Variants in ZMYND11 observed in about 807,000 individuals in gnomAD.
ZMYND11 encodes zinc finger MYND domain-containing protein 11.
A neutral mutation model predicts 84.9 loss-of-function variants in ZMYND11; 9 were observed. The ratio of observed to expected loss-of-function variants is 0.11; its 90% CI spans 0.06 to 0.18. The LOEUF (loss-of-function observed/expected upper bound fraction) is 0.18. Ranked by LOEUF, ZMYND11 falls within the 10% of genes least tolerant of loss-of-function variation. The pLI is 1.00. For synonymous variants in ZMYND11, 250 were observed against 244.1 expected, an observed-to-expected ratio of 1.02 and a Z score of -0.23; for missense variants, 409 against 761.0, an observed-to-expected ratio of 0.54 and a Z score of 5.44.
intron 1 of ZMYND11, among the ~76,000 whole-genome samples, chr10:152,088 C>G (rs186066169): frequency 2.8e-3 from 432 of 152,332 alleles, no homozygotes; most frequent in Non-Finnish European, 5.2e-3. Flanking sequence ...AAAGGAACAA[C>G]TGGTACCAGT....
chr10:180,151 A>G (rs773577837), intron 2 of ZMYND11, 23 bp downstream of exon 2: 2 of 1,583,790 alleles, frequency 1.3e-6, no homozygotes, highest in Middle Eastern at 1.7e-4. Flanking sequence ...AAACACAAAT[A>G]TCTCTGTAAA....
Position 254,626 on chromosome 10 carries a change from TA to T in ZMYND11, c.*2164del, listed in dbSNP as rs947065628. On this transcript the variant is annotated 3_prime_UTR_variant, in exon 15 of 15. Transcript: ENST00000381604. ...GTTAACATTGGTTAATAAATGTATT[TA>T]AAAAAAACTAGCTTTAGTAATTTGT... 2 of 152,640 alleles carry T rather than the reference TA, an allele frequency of 1.3e-5. No individual in the cohort carries two copies. Among genetic ancestry groups the T allele is most frequent in the African/African-American group, 2.4e-5 (1 of 41,518 alleles). 9.5% of individuals were successfully genotyped at this position (152,640 alleles called of 1,614,324 possible). A position where few individuals can be genotyped will look rare whatever the true frequency, so the allele number is the denominator to read the frequency against.
rs1197312879 is a variant in ZMYND11, at chr10:209,994, A to G, written c.222A>G (p.Lys74=). The change falls in exon 3 of 15, where the codon AAA becomes AAG. Residue 74 remains lysine, a synonymous_variant. Transcript: ENST00000381604. The stretch of plus-strand genomic sequence containing the variant: ...TCGAAACTCTAACAGTGGGCTGCAA[A>G]GGTTCAAAAGCTGGTATTGAACAAG... The part of the protein sequence containing the change: ...LIVETLTVGC[K]GSKAGIEQEG... The G allele has an allele frequency of 5.0e-6, 8 of 1,614,020 alleles. No homozygotes were observed. The East Asian group carries it at 1.6e-4, about 31-fold the overall frequency.
chr10:162,821 C>G (rs1290381756), intron 1 of ZMYND11, among the ~76,000 whole-genome samples: 1 of 152,084 alleles, frequency 6.6e-6, no homozygotes, highest in African/African-American at 2.4e-5. Flanking sequence ...TGTGTTGAGT[C>G]CAAGGCAGTT....
intron 4 of ZMYND11, among the ~76,000 whole-genome samples, chr10:230,012 C>A (rs1473729179): frequency 6.6e-6 from 1 of 152,138 alleles, no homozygotes; most frequent in Admixed American, 6.5e-5. Context: ...AGAATTTTAT[C>A]TAAGAGAATT....
intron 2 of ZMYND11, among the ~76,000 whole-genome samples, chr10:184,406 T>A (rs1848507634): frequency 1.3e-5 from 2 of 152,198 alleles, no homozygotes; most frequent in South Asian, 4.1e-4. Flanking sequence ...ATCTTTTTTC[T>A]TTTTGATTTT....
rs11348115 is a variant in ZMYND11, at chr10:144,640, CTTT to C, written c.-20+9102_-20+9104del. 3.0e-3 allele frequency among the ~76,000 whole-genome samples: 326 copies of C among 110,034 alleles called. 7 individuals are homozygous for C. In the South Asian group the frequency reaches 0.051, roughly 17 times the overall value. 72.2% of individuals were successfully genotyped at this position (110,034 alleles called of 152,430 possible). On this transcript the variant is annotated intron_variant, in intron 1 of 14. Transcript: ENST00000381604. ...TATGGCTGGCTGAGCGTCTGAATTC[CTTT>C]TTTTTTTTTTTTTTTTTTTTAACAA...
At chr10:133,859 A>T (rs1173197427), upstream of ZMYND11, among the ~76,000 whole-genome samples, 1 of 152,178 alleles carries the variant, frequency 6.6e-6, no homozygotes, top group Non-Finnish European at 1.5e-5. Flanking sequence ...ACTCTCTGGG[A>T]TGTATCAGAT....
chr10:210,255 C>G (rs1308400251), intron 3 of ZMYND11, among the ~76,000 whole-genome samples: 1 of 152,200 alleles, frequency 6.6e-6, no homozygotes, highest in Non-Finnish European at 1.5e-5. Flanking sequence ...TCCTGCTTCT[C>G]TATATATTAC....
Position 250,753 on chromosome 10 carries a change from C to G in ZMYND11, c.1687-1595C>G, listed in dbSNP as rs190009936. On this transcript the variant is annotated intron_variant, in intron 14 of 14. Coordinates refer to ENST00000381604, the MANE Select transcript of ZMYND11 (RefSeq NM_001370100.5). ...AGTAAAAGGGTTAGAATTCTTTCTTCTCGGCCAGGCTCGGTGCTCACACCT... is the reference window on the plus strand; with the variant it reads ...AGTAAAAGGGTTAGAATTCTTTCTTGTCGGCCAGGCTCGGTGCTCACACCT... Among the ~76,000 whole-genome samples, 4 of 152,256 alleles carry G rather than the reference C, an allele frequency of 2.6e-5. No individual in the cohort carries two copies. The East Asian group carries it at 7.7e-4, about 29-fold the overall frequency.
intron 1 of ZMYND11, among the ~76,000 whole-genome samples, chr10:156,392 A>G (rs1178116527): frequency 6.6e-6 from 1 of 152,210 alleles, no homozygotes; most frequent in Non-Finnish European, 1.5e-5. Flanking sequence ...TCTTAAGAAA[A>G]TTTTTAATGC....
rs769251152 is a variant in ZMYND11, at chr10:241,061, T to G, written c.831+91T>G. ...TAAAGATTATAATTTTCTTCCTAAATTTTTAAAATATCATAGTATATATGG... is the reference window on the plus strand; with the variant it reads ...TAAAGATTATAATTTTCTTCCTAAAGTTTTAAAATATCATAGTATATATGG... On this transcript the variant is annotated intron_variant, in intron 9 of 14. Coordinates refer to ENST00000381604, the MANE Select transcript of ZMYND11 (RefSeq NM_001370100.5). The G allele has an allele frequency of 3.9e-6, 4 of 1,023,454 alleles. No homozygotes were observed. The South Asian group carries it at 6.1e-5, about 16-fold the overall frequency. The allele number at this position is 1,023,454 out of a possible 1,614,324, so 63.4% of individuals were successfully genotyped here. A position where few individuals can be genotyped will look rare whatever the true frequency, so the allele number is the denominator to read the frequency against.
At chr10:180,184 A>G in intron 2 of ZMYND11, 56 bp downstream of exon 2, 1 of 1,388,588 alleles carries the variant, frequency 7.2e-7, no homozygotes, top group Non-Finnish European at 1.0e-6. Context: ...ACTTTGGGGG[A>G]AAGGCCAAAA....
chr10:185,369 G>T lies in ZMYND11; in HGVS notation c.116+5241G>T, dbSNP rs112194735. Among the ~76,000 whole-genome samples the T allele has an allele frequency of 1.3e-3, 191 of 151,612 alleles. 1 individual carries two copies. The highest frequency in any genetic ancestry group is 4.5e-3 in the African/African-American group (186 of 41,280). The stretch of plus-strand genomic sequence containing the variant: ...CTAATTTTGTTGTACTGTGTATGTT[G>T]TCCAAAGGCATTTTGCTTTATTTGG... On this transcript the variant is annotated intron_variant, in intron 2 of 14. Coordinates refer to ENST00000381604, the MANE Select transcript of ZMYND11 (RefSeq NM_001370100.5).
chr10:135,470 C>T lies in ZMYND11; in HGVS notation c.-109C>T, dbSNP rs1162129017. 4 of 154,102 alleles carry T rather than the reference C, an allele frequency of 2.6e-5. No individual in the cohort carries two copies. Among genetic ancestry groups the T allele is most frequent in the African/African-American group, 9.7e-5 (4 of 41,296 alleles). The allele number at this position is 154,102 out of a possible 1,614,324, so 9.5% of individuals were successfully genotyped here. ...CCCCGCGCCCGTCGCCGGCTCAGGC[C>T]CGAGAGGCGCCGGGCGGCGGGAAGG... On this transcript the variant is annotated 5_prime_UTR_variant, in exon 1 of 15. Coordinates refer to ENST00000381604, the MANE Select transcript of ZMYND11 (RefSeq NM_001370100.5). The surrounding 1 kb of genome is among the most constrained non-coding windows in gnomAD (Gnocchi z 5.6).
At chr10:200,526 C>A (rs1004765385) in intron 2 of ZMYND11, among the ~76,000 whole-genome samples, 2 of 151,444 alleles carry the variant, frequency 1.3e-5, no homozygotes, top group Non-Finnish European at 1.5e-5. Context: ...GTGATCTCAC[C>A]TTGGCCTCCC....
At chr10:156,498 TAACTC>T (rs1366010858) in intron 1 of ZMYND11, among the ~76,000 whole-genome samples, 4 of 152,354 alleles carry the variant, frequency 2.6e-5, no homozygotes, top group African/African-American at 7.2e-5. Flanking sequence ...ACAAAGCACA[TAACTC>T]AAACTCATGG....
At chr10:199,678 C>T (rs962103148) in intron 2 of ZMYND11, among the ~76,000 whole-genome samples, 6 of 152,118 alleles carry the variant, frequency 3.9e-5, no homozygotes, top group African/African-American at 1.4e-4. Context: ...AGTGACCCTC[C>T]TGTCTCAGCC....
At chr10:222,711 A>C (rs1431678231) in intron 4 of ZMYND11, among the ~76,000 whole-genome samples, 1 of 152,176 alleles carries the variant, frequency 6.6e-6, no homozygotes, top group Non-Finnish European at 1.5e-5. Flanking sequence ...GAGATCAAAA[A>C]AAAAAAGAGG....
Sources: gnomAD v4.1 joint callset for allele counts (sites outside exome capture counted in the v4.1 genomes callset) on GRCh38, gnomAD v4.1.1 for gene constraint, Gnocchi (gnomAD v3.1) non-coding constraint, MANE v1.5 for transcripts, NCBI Gene and HGNC (gene_info 2026-07-23, HGNC 2026-07-21) for gene names.